Variants in KAZN observed in about 807,000 individuals in gnomAD.
The protein encoded by KAZN is kazrin, periplakin interacting protein.
KAZN carries 40 observed loss-of-function variants against 87.4 expected under a neutral mutation model. That is an observed-to-expected ratio of 0.46 (90% CI 0.36 to 0.60). KAZN has a LOEUF of 0.60. Ranked by LOEUF, KAZN falls within the 20% of genes least tolerant of loss-of-function variation. KAZN has a pLI of 0.00. For synonymous variants in KAZN, 466 were observed against 458.3 expected (o/e 1.02, Z -0.22); for missense variants, 898 against 1,073.9 (o/e 0.84, Z 2.29).
chr1:15,091,413 C>T (rs1281355490), intron 8 of KAZN, among the ~76,000 whole-genome samples: 1 of 152,276 alleles, frequency 6.6e-6, no homozygotes, highest in East Asian at 1.9e-4. Flanking sequence ...GGCACAATCT[C>T]GACTTACTGC....
chr1:14,409,954 AT>A (rs1664170814), intron 2 of KAZN, among the ~76,000 whole-genome samples: 1 of 152,210 alleles, frequency 6.6e-6, no homozygotes. Flanking sequence ...AAATTGTCTG[AT>A]GGCTTGAACA....
intron 2 of KAZN, among the ~76,000 whole-genome samples, chr1:14,250,832 TTAA>T (rs1557593790): frequency 1.3e-5 from 2 of 151,630 alleles, no homozygotes; most frequent in Admixed American, 6.6e-5. Context: ...GAAATATTTA[TTAA>T]TAGCAAAAAA....
At chr1:14,079,243 C>CT (rs1643582104) in intron 1 of KAZN, among the ~76,000 whole-genome samples, 1 of 152,230 alleles carries the variant, frequency 6.6e-6, no homozygotes, top group African/African-American at 2.4e-5. Flanking sequence ...GTGCCAGGCT[C>CT]TTTAACTCTT....
At chr1:14,288,561 TTC>T (rs1241055870) in intron 2 of KAZN, among the ~76,000 whole-genome samples, 2 of 152,198 alleles carry the variant, frequency 1.3e-5, no homozygotes, top group African/African-American at 4.8e-5. Context: ...TATTTGATTC[TTC>T]TCTCTTTTCT....
intron 2 of KAZN, among the ~76,000 whole-genome samples, chr1:14,239,705 G>A (rs1033291626): frequency 6.6e-5 from 10 of 151,680 alleles, no homozygotes; most frequent in African/African-American, 2.4e-4. Context: ...GGTGATCCAT[G>A]TGTCTCAGCC....
At chr1:14,321,938 C>T (rs957060121) in intron 2 of KAZN, among the ~76,000 whole-genome samples, 1 of 152,134 alleles carries the variant, frequency 6.6e-6, no homozygotes, top group Non-Finnish European at 1.5e-5. Flanking sequence ...ACTGGGCTCT[C>T]GTTTGCTTAT....
At chr1:14,309,644 T>G (rs764249225) in intron 2 of KAZN, among the ~76,000 whole-genome samples, 3 of 152,178 alleles carry the variant, frequency 2.0e-5, no homozygotes, top group Non-Finnish European at 4.4e-5. Context: ...CACTGTGGCC[T>G]CCACCTCCCA....
At chr1:14,724,136 T>G (rs183979125) in intron 1 of KAZN, among the ~76,000 whole-genome samples, 3 of 152,336 alleles carry the variant, frequency 2.0e-5, no homozygotes, top group African/African-American at 7.2e-5. Context: ...CAGTGATTAA[T>G]TCCGGGTGGC....
intron 2 of KAZN, among the ~76,000 whole-genome samples, chr1:14,465,203 T>A (rs1231494642): frequency 1.3e-5 from 2 of 151,374 alleles, no homozygotes; most frequent in South Asian, 4.2e-4. Flanking sequence ...ATCGAGACCA[T>A]CCTGGCTAAC....
At position 14,773,989 on chromosome 1, in the gene KAZN, T is replaced by C. The variant is rs1557475482; in HGVS notation, c.226+174766T>C. 1.3e-5 allele frequency among the ~76,000 whole-genome samples: 2 copies of C among 152,236 alleles called. No individual in the cohort carries two copies. Among genetic ancestry groups the C allele is most frequent in the African/African-American group, 2.4e-5 (1 of 41,452 alleles). ...ATGGCTGCTGCCAACCAAGGCGCCCTTGTGGGCTGTTCACCTGAGCTGCCG... is the reference window on the plus strand; with the variant it reads ...ATGGCTGCTGCCAACCAAGGCGCCCCTGTGGGCTGTTCACCTGAGCTGCCG... On this transcript the variant is annotated intron_variant, in intron 1 of 14. Transcript: ENST00000376030. The surrounding 1 kb of genome is among the most constrained non-coding windows in gnomAD (Gnocchi z 5.9).
chr1:14,982,781 C>T (rs1003867758), intron 2 of KAZN, among the ~76,000 whole-genome samples: 4 of 152,184 alleles, frequency 2.6e-5, no homozygotes, highest in Non-Finnish European at 5.9e-5. Flanking sequence ...AGCCGGTGAC[C>T]GGTGTTGTCA....
intron 1 of KAZN, among the ~76,000 whole-genome samples, chr1:14,071,383 A>G (rs371511271): frequency 6.6e-6 from 1 of 152,334 alleles, no homozygotes; most frequent in African/African-American, 2.4e-5. Flanking sequence ...GGGGACAGGC[A>G]TAGGAGCATG....
intron 1 of KAZN, among the ~76,000 whole-genome samples, chr1:14,840,151 T>C (rs1047063011): frequency 1.3e-5 from 2 of 152,148 alleles, no homozygotes; most frequent in Non-Finnish European, 2.9e-5. Context: ...TCATTCTTAA[T>C]AGAGTCCAGG....
intron 2 of KAZN, among the ~76,000 whole-genome samples, chr1:14,224,547 A>G (rs1647197185): frequency 6.6e-6 from 1 of 152,136 alleles, no homozygotes. Flanking sequence ...TTGGGCTTCC[A>G]TTTTCTCTTT....
intron 2 of KAZN, among the ~76,000 whole-genome samples, chr1:14,461,578 C>T (rs1317972278): frequency 1.3e-5 from 2 of 152,104 alleles, no homozygotes; most frequent in African/African-American, 4.8e-5. Context: ...TGAAAACGGA[C>T]TAATACAGAG....
At chr1:14,193,197 C>T (rs1646457481) in intron 2 of KAZN, among the ~76,000 whole-genome samples, 1 of 152,138 alleles carries the variant, frequency 6.6e-6, no homozygotes, top group South Asian at 2.1e-4. Context: ...TGAGGCCTCC[C>T]CAGCCATGCT....
intron 1 of KAZN, among the ~76,000 whole-genome samples, chr1:14,625,511 C>G (rs1291723000): frequency 1.3e-5 from 2 of 152,100 alleles, no homozygotes; most frequent in East Asian, 3.8e-4. Context: ...CAAAAAAGCC[C>G]CAAAGAGGCT....
intron 1 of KAZN, among the ~76,000 whole-genome samples, chr1:14,818,061 C>T (rs182976796): frequency 1.5e-4 from 23 of 152,358 alleles, no homozygotes; most frequent in African/African-American, 4.8e-4. Context: ...AAACTTAACT[C>T]CTGGCATACC....
At chr1:14,779,443 C>T (rs1429535771) in intron 1 of KAZN, among the ~76,000 whole-genome samples, 1 of 152,202 alleles carries the variant, frequency 6.6e-6, no homozygotes, top group East Asian at 1.9e-4. Context: ...CTTCCCCGGC[C>T]TTTGCACGTG....
Sources: gnomAD v4.1 joint callset for allele counts (sites outside exome capture counted in the v4.1 genomes callset) on GRCh38, gnomAD v4.1.1 for gene constraint, Gnocchi (gnomAD v3.1) non-coding constraint, MANE v1.5 for transcripts, NCBI Gene and HGNC (gene_info 2026-07-23, HGNC 2026-07-21) for gene names.